The following HECW2 variants were observed in gnomAD, a reference collection of about 807,000 sequenced individuals.
HECW2 encodes the protein E3 ubiquitin-protein ligase HECW2.
HECW2 carries 61 observed loss-of-function variants against 175.2 expected under a neutral mutation model. The ratio of observed to expected loss-of-function variants is 0.35; its 90% CI spans 0.28 to 0.43. HECW2 has a LOEUF of 0.43. Ranked by LOEUF, HECW2 falls within the 20% of genes least tolerant of loss-of-function variation. HECW2 has a pLI of 1.00. For missense variants in HECW2, 1,524 were observed against 2,000.5 expected, an observed-to-expected ratio of 0.76 and a Z score of 4.54; for synonymous variants, 671 against 731.0, an observed-to-expected ratio of 0.92 and a Z score of 1.32.
chr2:196,315,230 A>G (rs1439446598), intron 10 of HECW2, among the ~76,000 whole-genome samples: 1 of 151,244 alleles, frequency 6.6e-6, no homozygotes, highest in Non-Finnish European at 1.5e-5. Context: ...TTCACTTCTG[A>G]GTTTTTAAAA....
At chr2:196,402,200 CAAAAAAAAAAAAA>C (rs55851966) in intron 2 of HECW2, among the ~76,000 whole-genome samples, 3 of 70,348 alleles carry the variant, frequency 4.3e-5, no homozygotes, top group African/African-American at 5.2e-5. Flanking sequence ...GACTCTGTCT[CAAAAAAAAAAAAA>C]AAAAAAAAAA....
intron 2 of HECW2, among the ~76,000 whole-genome samples, chr2:196,409,560 C>T (rs989499943): frequency 6.6e-6 from 1 of 152,204 alleles, no homozygotes; most frequent in Non-Finnish European, 1.5e-5. Context: ...ACGCACCACA[C>T]TCAAACTTAG....
chr2:196,568,831 T>C (rs1442241456), intron 1 of HECW2, among the ~76,000 whole-genome samples: 2 of 152,100 alleles, frequency 1.3e-5, no homozygotes, highest in Non-Finnish European at 2.9e-5. Context: ...TACCAGCTAC[T>C]CTCGAGCCTC....
At chr2:196,479,952 G>A (rs1267141964) in intron 1 of HECW2, among the ~76,000 whole-genome samples, 3 of 151,976 alleles carry the variant, frequency 2.0e-5, no homozygotes, top group Admixed American at 2.0e-4. Flanking sequence ...ATATTTAAAG[G>A]ACTCTCTATT....
At chr2:196,461,923 A>C (rs7606042) in intron 1 of HECW2, among the ~76,000 whole-genome samples, 7,434 of 152,230 alleles carry the variant, frequency 0.049, 426 homozygotes, top group African/African-American at 0.13. Context: ...CAGCCAAACC[A>C]TATCACTTAT....
chr2:196,570,303 C>T (rs918308705), intron 1 of HECW2, among the ~76,000 whole-genome samples: 1 of 152,160 alleles, frequency 6.6e-6, no homozygotes, highest in South Asian at 2.1e-4. Flanking sequence ...ATGAACATAT[C>T]ATTTATATTG....
intron 1 of HECW2, among the ~76,000 whole-genome samples, chr2:196,462,404 T>C (rs187072746): frequency 5.9e-5 from 9 of 152,308 alleles, no homozygotes; most frequent in Non-Finnish European, 1.2e-4. Context: ...TTTTCTTCAA[T>C]GCAAATTCTA....
At chr2:196,222,824 T>A (rs576915284) in intron 23 of HECW2, among the ~76,000 whole-genome samples, 2 of 152,114 alleles carry the variant, frequency 1.3e-5, no homozygotes, top group African/African-American at 4.8e-5. Context: ...TATTTTATTT[T>A]ATTTTTTATT....
intron 1 of HECW2, among the ~76,000 whole-genome samples, chr2:196,464,440 C>T (rs1408408258): frequency 2.6e-5 from 4 of 152,294 alleles, no homozygotes; most frequent in South Asian, 4.1e-4. Flanking sequence ...GATCCTGTTT[C>T]CTTTCAAGAT....
intron 1 of HECW2, among the ~76,000 whole-genome samples, chr2:196,445,129 G>A (rs1206844033): frequency 2.6e-5 from 4 of 152,092 alleles, no homozygotes; most frequent in African/African-American, 9.7e-5. Flanking sequence ...ATACTTCACA[G>A]TGCCTCATAT....
intron 17 of HECW2, among the ~76,000 whole-genome samples, chr2:196,267,577 C>T (rs186814666): frequency 3.3e-5 from 5 of 151,976 alleles, no homozygotes; most frequent in Admixed American, 2.0e-4. Flanking sequence ...TTCACATTTG[C>T]GTGATAAATG....
chr2:196,523,564 G>A (rs1420526515), intron 1 of HECW2, among the ~76,000 whole-genome samples: 2 of 150,126 alleles, frequency 1.3e-5, no homozygotes, highest in Non-Finnish European at 3.0e-5. Context: ...AGTTTTCAAA[G>A]GGAATGCTTC....
intron 23 of HECW2, among the ~76,000 whole-genome samples, chr2:196,225,462 C>G (rs964018398): frequency 6.6e-6 from 1 of 152,082 alleles, no homozygotes; most frequent in African/African-American, 2.4e-5. Context: ...GCATTAATAC[C>G]ACAGGAATCC....
intron 1 of HECW2, among the ~76,000 whole-genome samples, chr2:196,503,272 T>C (rs1261306938): frequency 5.9e-5 from 9 of 152,078 alleles, no homozygotes; most frequent in Admixed American, 3.3e-4. Context: ...ATGGAAATCC[T>C]ATATCTCAGA....
intron 1 of HECW2, among the ~76,000 whole-genome samples, chr2:196,483,193 A>G (rs1686900696): frequency 6.6e-6 from 1 of 152,138 alleles, no homozygotes; most frequent in South Asian, 2.1e-4. Context: ...CAAGCATAAC[A>G]ATAATATGGG....
chr2:196,591,718 T>C (rs10439322), intron 1 of HECW2, among the ~76,000 whole-genome samples: 5,456 of 152,176 alleles, frequency 0.036, 332 homozygotes, highest in African/African-American at 0.12. Flanking sequence ...TTCTCTAGTC[T>C]GCTAGGGATG....
At chr2:196,510,072 T>C (rs944469077) in intron 1 of HECW2, among the ~76,000 whole-genome samples, 1 of 152,190 alleles carries the variant, frequency 6.6e-6, no homozygotes, top group African/African-American at 2.4e-5. Context: ...GACTCCACCA[T>C]TGTACTGCTA....
At chr2:196,415,817 G>C (rs1204346960) in intron 2 of HECW2, among the ~76,000 whole-genome samples, 2 of 152,356 alleles carry the variant, frequency 1.3e-5, no homozygotes, top group Non-Finnish European at 2.9e-5. Flanking sequence ...ATCCAGGACA[G>C]TGTCACAGCC....
Position 196,319,469 on chromosome 2 carries a change from T to G in HECW2, c.1421A>C (p.Gln474Pro), listed in dbSNP as rs760538554. The change falls in exon 9 of 29, where the codon CAA (glutamine) becomes CCA (proline). Residue 474 changes from glutamine (Q) to proline (P), a missense_variant. Gln to Pro is a moderately conservative substitution (Grantham distance 76, BLOSUM62 -1). Around this residue, in one of 11 missense-constraint regions of HECW2, gnomAD observed 604 missense variants for 588.3 expected, o/e 1.03. Coordinates refer to ENST00000644978, the MANE Select transcript of HECW2 (RefSeq NM_001348768.2). ...DSDEEDHEFQ[Q>P]DLGYPSSLEE... ...CAAGGAAGATGGGTAACCCAGGTCTTGCTGGAACTCGTGATCTTCTTCATC... is the reference window on the plus strand; with the variant it reads ...CAAGGAAGATGGGTAACCCAGGTCTGGCTGGAACTCGTGATCTTCTTCATC... The G allele has an allele frequency of 2.5e-6, 4 of 1,613,970 alleles. No homozygotes were observed. The African/African-American group carries it at 5.3e-5, about 22-fold the overall frequency.
Sources: gnomAD v4.1 joint callset for allele counts (sites outside exome capture counted in the v4.1 genomes callset) on GRCh38, gnomAD v4.1.1 for gene constraint, gnomAD v4.1.1 regional missense constraint, MANE v1.5 for transcripts, NCBI Gene and HGNC (gene_info 2026-07-23, HGNC 2026-07-21) for gene names.